Variants in NRG3 observed in about 807,000 individuals in gnomAD.
NRG3 encodes pro-neuregulin-3, membrane-bound isoform.
Under a neutral mutation model 66.9 loss-of-function variants are expected in NRG3, and 31 were observed. That is an observed-to-expected ratio of 0.46 (90% confidence interval 0.35 to 0.63). The LOEUF (loss-of-function observed/expected upper bound fraction) is 0.63. Among genes scored for constraint, NRG3 ranks in the 20% least tolerant of loss-of-function variants. NRG3 has a pLI of 0.00. For missense variants in NRG3, 910 were observed against 878.9 expected (o/e 1.04, Z -0.45); for synonymous variants, 393 against 359.4 (o/e 1.09, Z -1.06).
At chr10:82,922,830 A>T (rs1374939511) in intron 4 of NRG3, among the ~76,000 whole-genome samples, 1 of 152,092 alleles carries the variant, frequency 6.6e-6, no homozygotes, top group Non-Finnish European at 1.5e-5. Context: ...CTCCTTCCAT[A>T]TTGTCCCATC....
At chr10:82,322,919 C>A (rs2081652948) in intron 1 of NRG3, among the ~76,000 whole-genome samples, 1 of 152,140 alleles carries the variant, frequency 6.6e-6, no homozygotes, top group Admixed American at 6.5e-5. Flanking sequence ...TAAAAAGAGT[C>A]TCTTCCTCCC....
chr10:82,487,478 A>G (rs1409393814), intron 2 of NRG3, among the ~76,000 whole-genome samples: 1 of 152,148 alleles, frequency 6.6e-6, no homozygotes, highest in African/African-American at 2.4e-5. Flanking sequence ...CCCTGAGTGG[A>G]GGTTAATATA....
intron 1 of NRG3, among the ~76,000 whole-genome samples, chr10:82,139,348 G>C (rs900266778): frequency 2.6e-5 from 4 of 152,100 alleles, no homozygotes; most frequent in African/African-American, 9.7e-5. Flanking sequence ...GAAAATGTAA[G>C]GCAGTTAACT....
intron 3 of NRG3, among the ~76,000 whole-genome samples, chr10:82,788,167 T>C (rs989507662): frequency 9.9e-5 from 15 of 152,202 alleles, no homozygotes; most frequent in African/African-American, 3.4e-4. Flanking sequence ...TTTTGAGAAG[T>C]AGAGCAACTC....
intron 1 of NRG3, among the ~76,000 whole-genome samples, chr10:82,218,503 C>G (rs1589358666): frequency 6.6e-6 from 1 of 152,168 alleles, no homozygotes. Flanking sequence ...GAAAATACAG[C>G]GTCTATAACA....
rs2132416036 is a variant in NRG3, at chr10:81,875,315, G to A, written c.-26G>A. ...ATGCCTCTGCCGCGGCCCTCGGGGG[G>A]GCGAAGGTGAAGACCGGCTCCTAGG... On this transcript the variant is annotated 5_prime_UTR_variant, in exon 1 of 9. Coordinates refer to ENST00000372141, the MANE Select transcript of NRG3 (RefSeq NM_001010848.4). This position sits in a 1 kb window ranked among gnomAD's most constrained non-coding sequence, Gnocchi z 5.3. 7 of 984,622 alleles carry A rather than the reference G, an allele frequency of 7.1e-6. No homozygotes were observed. In the South Asian group the frequency reaches 1.8e-4, roughly 25 times the overall value. 61.0% of individuals were successfully genotyped at this position (984,622 alleles called of 1,614,324 possible).
chr10:82,718,486 G>GA (rs1250676220), intron 2 of NRG3, among the ~76,000 whole-genome samples: 8 of 152,176 alleles, frequency 5.3e-5, no homozygotes, highest in South Asian at 2.1e-4. Flanking sequence ...CAAAAGAAAA[G>GA]TGATTTAAAA....
At chr10:82,577,421 T>C (rs1188801048) in intron 2 of NRG3, among the ~76,000 whole-genome samples, 2 of 151,786 alleles carry the variant, frequency 1.3e-5, no homozygotes, top group African/African-American at 4.8e-5. Context: ...ACAAAAATCA[T>C]TGTAAGTTAC....
intron 1 of NRG3, among the ~76,000 whole-genome samples, chr10:81,956,751 A>G (rs1314687559): frequency 6.6e-6 from 1 of 152,150 alleles, no homozygotes; most frequent in Non-Finnish European, 1.5e-5. Context: ...CGTTCACAAG[A>G]TCAAGTCCCT....
chr10:82,061,872 AAC>A (rs71007292), intron 1 of NRG3, among the ~76,000 whole-genome samples: 13 of 127,470 alleles, frequency 1.0e-4, no homozygotes, highest in South Asian at 4.7e-4. Context: ...CACACACACA[AAC>A]ACACACACAC....
At chr10:81,989,835 C>T (rs556511245) in intron 1 of NRG3, among the ~76,000 whole-genome samples, 7 of 152,050 alleles carry the variant, frequency 4.6e-5, no homozygotes, top group Admixed American at 1.3e-4. Flanking sequence ...GGAGATGTGT[C>T]TGCAGAAGCT....
At chr10:82,823,545 G>A (rs1050647137) in intron 3 of NRG3, among the ~76,000 whole-genome samples, 7 of 152,212 alleles carry the variant, frequency 4.6e-5, no homozygotes, top group South Asian at 2.1e-4. Flanking sequence ...CACCATCAAC[G>A]TTCCCCCACT....
At chr10:82,332,043 G>A (rs1262285046) in intron 1 of NRG3, among the ~76,000 whole-genome samples, 1 of 152,114 alleles carries the variant, frequency 6.6e-6, no homozygotes, top group Non-Finnish European at 1.5e-5. Flanking sequence ...GAAATGCTTG[G>A]GTTGGATTTA....
intron 1 of NRG3, among the ~76,000 whole-genome samples, chr10:81,982,752 C>G (rs1342589337): frequency 6.6e-6 from 1 of 152,168 alleles, no homozygotes; most frequent in Non-Finnish European, 1.5e-5. Flanking sequence ...TTAGGGCCCA[C>G]CCTAAGAGCC....
intron 3 of NRG3, among the ~76,000 whole-genome samples, chr10:82,797,393 C>T (rs1486839150): frequency 1.3e-5 from 2 of 152,198 alleles, no homozygotes; most frequent in Non-Finnish European, 2.9e-5. Flanking sequence ...CTGCTCCATA[C>T]TTGACTATCC....
At chr10:82,166,879 T>C (rs1489153377) in intron 1 of NRG3, 2 of 605,414 alleles carry the variant, frequency 3.3e-6, no homozygotes, top group East Asian at 2.9e-5. Context: ...TATTTTTTTC[T>C]CAGTAGTTTT....
intron 1 of NRG3, among the ~76,000 whole-genome samples, chr10:82,327,290 C>A (rs1332524665): frequency 2.6e-5 from 4 of 152,192 alleles, no homozygotes. Context: ...CAGGTGGATG[C>A]TGTCAGCTTG....
chr10:82,798,960 G>T (rs975425820), intron 3 of NRG3, among the ~76,000 whole-genome samples: 4 of 152,140 alleles, frequency 2.6e-5, no homozygotes, highest in Non-Finnish European at 5.9e-5. Flanking sequence ...GGCTCTGCAG[G>T]TGACTGGGAG....
intron 2 of NRG3, among the ~76,000 whole-genome samples, chr10:82,460,145 T>TTA (rs2091446584): frequency 6.6e-6 from 1 of 152,212 alleles, no homozygotes; most frequent in African/African-American, 2.4e-5. Flanking sequence ...GCCATTTTTC[T>TTA]TATGTGTAAA....
Sources: allele counts gnomAD v4.1 joint callset (sites outside exome capture counted in the v4.1 genomes callset), GRCh38; gene constraint gnomAD v4.1.1; non-coding constraint Gnocchi (gnomAD v3.1); transcripts MANE v1.5; gene names NCBI Gene and HGNC (gene_info 2026-07-23, HGNC 2026-07-21).